Variants in SUCO observed in about 807,000 individuals in gnomAD.
SUCO encodes the protein SUN domain containing ossification factor, also known as SUN domain-containing ossification factor.
In SUCO, 57 loss-of-function variants were observed where a neutral mutation model predicts 148.1. The ratio of observed to expected loss-of-function variants is 0.38; its 90% CI spans 0.31 to 0.48. SUCO has a LOEUF of 0.48. Among genes scored for constraint, SUCO ranks in the 20% least tolerant of loss-of-function variants. The probability of loss-of-function intolerance (pLI) is 0.96; values close to 1 mark genes in which losing one functional copy is unlikely to be tolerated. For missense variants in SUCO, 1,331 were observed against 1,468.2 expected, an observed-to-expected ratio of 0.91 and a Z score of 1.53; for synonymous variants, 470 against 502.7, an observed-to-expected ratio of 0.93 and a Z score of 0.87.
Position 172,577,568 on chromosome 1 carries a change from C to A in SUCO, c.1284+9C>A, listed in dbSNP as rs765356149. The A allele has an allele frequency of 6.2e-7, 1 of 1,610,788 alleles. No individual in the cohort carries two copies. Among genetic ancestry groups the A allele is most frequent in the Non-Finnish European group, 8.5e-7 (1 of 1,178,366 alleles). On this transcript the variant is annotated intron_variant, in intron 12 of 23. Coordinates refer to ENST00000263688, the MANE Select transcript of SUCO (RefSeq NM_014283.5). Reference sequence around the variant, plus strand: ...TCATCAAGTACATAAAGGTTAGCAACCTTCTCTTTTGCACTATTAAATAAC... The same window carrying A: ...TCATCAAGTACATAAAGGTTAGCAAACTTCTCTTTTGCACTATTAAATAAC...
In SUCO at chr1:172,588,692, T is replaced by A. The variant is rs145243888; in HGVS notation, c.1659-68T>A. 2.7e-5 allele frequency: 35 copies of A among 1,297,876 alleles called. No homozygotes were observed. In the East Asian group the frequency reaches 8.8e-4, roughly 32 times the overall value. The allele number at this position is 1,297,876 out of a possible 1,614,324, so 80.4% of individuals were successfully genotyped here. A position where few individuals can be genotyped will look rare whatever the true frequency, so the allele number is the denominator to read the frequency against. ...ATCTTCTGTATGGATACATTTATTT[T>A]TCTTTAACATATTTCAACTTTAGAC... On this transcript the variant is annotated intron_variant, in intron 17 of 23. Coordinates refer to ENST00000263688, the MANE Select transcript of SUCO (RefSeq NM_014283.5).
At position 172,589,303 on chromosome 1, in the gene SUCO, T is replaced by G. The variant is rs138937531; in HGVS notation, c.2202T>G (p.Leu734=). ...SHSQTLSQSL[L]LDITPEINPL... is the part of the protein sequence containing the mutation. ...CTCAAACTCTTTCTCAGTCTCTTCT[T>G]TTAGATATTACCCCAGAAATCAATC... Residue 734 remains leucine, a synonymous_variant, in exon 18 of 24, where the codon CTT becomes CTG. Coordinates refer to ENST00000263688, the MANE Select transcript of SUCO (RefSeq NM_014283.5). The G allele has an allele frequency of 3.7e-6, 6 of 1,613,388 alleles. No homozygotes were observed. In the African/African-American group the frequency reaches 8.0e-5, roughly 22 times the overall value.
Position 172,577,758 on chromosome 1 carries a change from C to T in SUCO, c.1285-6C>T, listed in dbSNP as rs908414358. 3.0e-5 allele frequency: 48 copies of T among 1,611,008 alleles called. No homozygotes were observed. The highest frequency in any genetic ancestry group is 3.8e-5 in the Non-Finnish European group (45 of 1,178,244). ...GCTTCCCATTTTATGTGCTTTTATT[C>T]TTTAGGTTGAGTTGCTATCACATTT... is the stretch of plus-strand genomic sequence containing the variant. On this transcript the variant is annotated splice_polypyrimidine_tract_variant and splice_region_variant and intron_variant, in intron 12 of 23. Coordinates refer to ENST00000263688, the MANE Select transcript of SUCO (RefSeq NM_014283.5).
At chr1:172,532,617 A>G, upstream of SUCO, 1 of 1,614,030 alleles carries the variant, frequency 6.2e-7, no homozygotes, top group Non-Finnish European at 8.5e-7. Context: ...ACTGTGCTCA[A>G]AAGAGGAAAA....
At chr1:172,546,663 C>T (rs1334095515) in intron 1 of SUCO, among the ~76,000 whole-genome samples, 2 of 152,198 alleles carry the variant, frequency 1.3e-5, no homozygotes, top group Admixed American at 6.5e-5. Flanking sequence ...AATCCCAGCA[C>T]TTTGGGAGGC....
Position 172,605,154 on chromosome 1 carries a change from C to T in SUCO, c.3265+2367C>T, listed in dbSNP as rs987053500. Among the ~76,000 whole-genome samples, 13 of 151,664 alleles carry T rather than the reference C, an allele frequency of 8.6e-5. No individual in the cohort carries two copies. In the East Asian group the frequency reaches 2.5e-3, roughly 29 times the overall value. On this transcript the variant is annotated intron_variant, in intron 22 of 23. Transcript: ENST00000263688. ...TGCTTTTTCACTGTTTTGATTGTGT[C>T]CTTGGATGTACAGTTTTTAAGTTCA...
At chr1:172,575,956 C>CT (rs1655405532) in intron 11 of SUCO, among the ~76,000 whole-genome samples, 1 of 151,832 alleles carries the variant, frequency 6.6e-6, no homozygotes, top group Non-Finnish European at 1.5e-5. Flanking sequence ...TTGCTGGTCA[C>CT]TGAAGTCTTT....
intron 1 of SUCO, among the ~76,000 whole-genome samples, chr1:172,545,873 C>T (rs969703542): frequency 6.6e-5 from 10 of 152,144 alleles, no homozygotes; most frequent in African/African-American, 2.4e-4. Flanking sequence ...ATAGGCTGGC[C>T]TGCCTGCCTT....
In SUCO at chr1:172,589,350, C is replaced by G; in HGVS notation, c.2249C>G (p.Ser750Cys). ...AATCCCTTGCCTAAAATAGAAGTAT[C>G]TGAGTCTGTTGAATATGAGGCAGGA... ...EINPLPKIEV[S>C]ESVEYEAGHI... Residue 750 changes from serine (S) to cysteine (C), a missense_variant, in exon 18 of 24, where the codon TCT becomes TGT. Around this residue, in one of 3 missense-constraint regions of SUCO, gnomAD observed 992 missense variants for 1,093.5 expected, o/e 0.91. Transcript: ENST00000263688. 1 of 1,613,680 alleles carries G rather than the reference C, an allele frequency of 6.2e-7. No individual in the cohort carries two copies. Among genetic ancestry groups the G allele is most frequent in the Non-Finnish European group, 8.5e-7 (1 of 1,179,814 alleles).
rs148495529 is a variant in SUCO at position 172,575,576 on chromosome 1, G to A, written c.1216G>A (p.Val406Ile). ...GTFHGRDERN[V>I]QSFPLDEQMY... ...TTTTCATGGTAGAGATGAGCGGAAT[G>A]TACAGAGTTTCCCTTTAGATGAACA... The change falls in exon 11 of 24, where the codon GTA becomes ATA. Residue 406 changes from valine (V) to isoleucine (I), a missense_variant. Coordinates refer to ENST00000263688, the MANE Select transcript of SUCO (RefSeq NM_014283.5). The A allele has an allele frequency of 2.4e-4, 393 of 1,612,304 alleles. 1 individual carries two copies. The highest frequency in any genetic ancestry group is 8.3e-4 in the Middle Eastern group (5 of 6,056).
intron 1 of SUCO, among the ~76,000 whole-genome samples, chr1:172,537,903 T>TC (rs1652141839): frequency 6.6e-6 from 1 of 152,328 alleles, no homozygotes; most frequent in Admixed American, 6.5e-5. Flanking sequence ...ACCTCAGCTC[T>TC]CATCCATAAA....
intron 1 of SUCO, among the ~76,000 whole-genome samples, chr1:172,545,485 T>C (rs1319268069): frequency 6.6e-6 from 1 of 152,062 alleles, no homozygotes; most frequent in Non-Finnish European, 1.5e-5. Context: ...CAAGAGTCAG[T>C]GTGAGATGAA....
At chr1:172,571,547 G>T (rs1488346469) in intron 9 of SUCO, among the ~76,000 whole-genome samples, 1 of 147,894 alleles carries the variant, frequency 6.8e-6, no homozygotes, top group African/African-American at 2.5e-5. Flanking sequence ...GAGCCCCTCT[G>T]CCTGGCTGCC....
At chr1:172,549,337 CCTT>C (rs1163384969) in intron 1 of SUCO, among the ~76,000 whole-genome samples, 1 of 151,660 alleles carries the variant, frequency 6.6e-6, no homozygotes, top group African/African-American at 2.4e-5. Flanking sequence ...ATTGCAGACT[CCTT>C]CTTTGCAATT....
chr1:172,593,625 CA>C (rs1235421011), intron 19 of SUCO, among the ~76,000 whole-genome samples: 1 of 152,154 alleles, frequency 6.6e-6, no homozygotes, highest in Non-Finnish European at 1.5e-5. Context: ...GGGATGAAGC[CA>C]ACTTGATCGT....
intron 19 of SUCO, among the ~76,000 whole-genome samples, chr1:172,593,761 C>T (rs996519301): frequency 6.6e-6 from 1 of 152,128 alleles, no homozygotes; most frequent in Non-Finnish European, 1.5e-5. Context: ...CTCTGCCAGG[C>T]TTTGGTATCA....
chr1:172,538,711 A>AT (rs1289387152), intron 1 of SUCO, among the ~76,000 whole-genome samples: 1 of 152,074 alleles, frequency 6.6e-6, no homozygotes, highest in Non-Finnish European at 1.5e-5. Flanking sequence ...TACAAAAATG[A>AT]TTTTTTTAGT....
rs1167653023 is a variant in SUCO at position 172,555,879 on chromosome 1, CA to C, written c.305del (p.Lys102SerfsTer2). 1 of 1,609,834 alleles carries C rather than the reference CA, an allele frequency of 6.2e-7. No individual in the cohort carries two copies. Among genetic ancestry groups the C allele is most frequent in the Admixed American group, 1.7e-5 (1 of 59,498 alleles). On this transcript the variant is annotated frameshift_variant, in exon 4 of 24. Transcript: ENST00000263688. LOFTEE classifies it high-confidence loss of function. ...TGTTTTTTTAAACAGAATACAGAGT[CA>C]AAAAAGTTAAGTCCACCGGTGGTGG... The part of the protein sequence containing the change: ...DSIVDVQNTE[S>X]KKLSPPVVET...
chr1:172,584,422 T>A, intron 15 of SUCO: 1 of 808,604 alleles, frequency 1.2e-6, no homozygotes, highest in Non-Finnish European at 1.5e-6. Context: ...TATACTTGAG[T>A]TTATAGTATG....
Sources: allele counts gnomAD v4.1 joint callset (sites outside exome capture counted in the v4.1 genomes callset), GRCh38; gene constraint gnomAD v4.1.1; regional missense constraint gnomAD v4.1.1; transcripts MANE v1.5; gene names NCBI Gene and HGNC (gene_info 2026-07-23, HGNC 2026-07-21).